CDC123: variants seen among roughly 807,000 people sequenced by gnomAD.
The protein encoded by CDC123 is cell division cycle 123, also known as translation initiation factor eIF2 assembly protein.
Under a neutral mutation model 54.4 loss-of-function variants are expected in CDC123, and 37 were observed. The ratio of observed to expected loss-of-function variants is 0.68; its 90% CI spans 0.52 to 0.89. CDC123 has a LOEUF of 0.89. Among genes scored for constraint, CDC123 ranks in the 40% least tolerant of loss-of-function variants. The pLI, the probability that CDC123 is intolerant of heterozygous loss-of-function variation, is 0.00. For synonymous variants in CDC123, 144 were observed against 136.8 expected (o/e 1.05, Z -0.37); for missense variants, 361 against 412.1 (o/e 0.88, Z 1.07).
rs772675022 is a variant in CDC123 at position 12,250,384 on chromosome 10, G to T, written c.*47G>T. 6.7e-7 allele frequency: 1 copy of T among 1,488,800 alleles called. No individual in the cohort carries two copies. Among genetic ancestry groups the T allele is most frequent in the South Asian group, 1.1e-5 (1 of 88,350 alleles). 92.2% of individuals were successfully genotyped at this position (1,488,800 alleles called of 1,614,324 possible). On this transcript the variant is annotated 3_prime_UTR_variant, in exon 13 of 13. Coordinates refer to ENST00000281141, the MANE Select transcript of CDC123 (RefSeq NM_006023.3). ...AGAGGAGGCCCCGCCCCACCGCTCCGGGAGCTGCTCATCAGCCGCAACTTC... is the reference window on the plus strand; with the variant it reads ...AGAGGAGGCCCCGCCCCACCGCTCCTGGAGCTGCTCATCAGCCGCAACTTC...
intron 4 of CDC123, among the ~76,000 whole-genome samples, chr10:12,211,323 G>A (rs1835597611): frequency 6.6e-6 from 1 of 151,724 alleles, no homozygotes; most frequent in Non-Finnish European, 1.5e-5. Flanking sequence ...TTTGTGGGAG[G>A]GTCTGTTCTA....
At chr10:12,238,932 G>A (rs1836016191) in intron 10 of CDC123, among the ~76,000 whole-genome samples, 1 of 152,074 alleles carries the variant, frequency 6.6e-6, no homozygotes, top group Non-Finnish European at 1.5e-5. Context: ...AGAGATTGCA[G>A]TGAGCGGAGA....
At chr10:12,197,080 G>A (rs1454916150) in intron 1 of CDC123, among the ~76,000 whole-genome samples, 1 of 152,176 alleles carries the variant, frequency 6.6e-6, no homozygotes, top group African/African-American at 2.4e-5. Context: ...GCTTAGAATG[G>A]TTAAAATGTA....
intron 6 of CDC123, among the ~76,000 whole-genome samples, chr10:12,225,746 C>CTTTTTTTTTTTT (rs60404885): frequency 6.0e-5 from 4 of 66,956 alleles, no homozygotes; most frequent in South Asian, 8.9e-4. Context: ...TAGCTTCTCT[C>CTTTTTTTTTTTT]TTTTTTTTTT....
At chr10:12,220,567 G>A (rs946578507) in intron 6 of CDC123, among the ~76,000 whole-genome samples, 5 of 152,256 alleles carry the variant, frequency 3.3e-5, no homozygotes, top group African/African-American at 1.2e-4. Context: ...GTAACTGTTG[G>A]TAGTTGCTTA....
At chr10:12,221,326 G>A (rs986613652) in intron 6 of CDC123, among the ~76,000 whole-genome samples, 5 of 152,070 alleles carry the variant, frequency 3.3e-5, no homozygotes, top group African/African-American at 1.2e-4. Flanking sequence ...TGACTTAGTG[G>A]CTCGGTCTTT....
At chr10:12,243,384 G>A (rs746326243) in intron 10 of CDC123, among the ~76,000 whole-genome samples, 15 of 113,944 alleles carry the variant, frequency 1.3e-4, no homozygotes, top group Non-Finnish European at 2.3e-4. Context: ...GGCAACAAGA[G>A]TGAAAAAAAA....
rs191997231 is a variant in CDC123, at chr10:12,228,227, C to T, written c.441-2721C>T. ...TGGGATTACAGGTGTGAGCCCTGTG[C>T]CCAGTCCTTAATTTTTATTGACGTA... On this transcript the variant is annotated intron_variant, in intron 6 of 12. Coordinates refer to ENST00000281141, the MANE Select transcript of CDC123 (RefSeq NM_006023.3). 2.8e-3 allele frequency among the ~76,000 whole-genome samples: 432 copies of T among 152,104 alleles called. 1 individual carries two copies. The highest frequency in any genetic ancestry group is 4.6e-3 in the Non-Finnish European group (310 of 67,990).
intron 4 of CDC123, among the ~76,000 whole-genome samples, chr10:12,214,395 G>C (rs564150750): frequency 2.6e-5 from 4 of 152,336 alleles, no homozygotes; most frequent in African/African-American, 9.6e-5. Flanking sequence ...AATTGCTTTG[G>C]ATGGGGAGAG....
At chr10:12,221,972 C>T (rs933215582) in intron 6 of CDC123, among the ~76,000 whole-genome samples, 1 of 152,148 alleles carries the variant, frequency 6.6e-6, no homozygotes, top group Non-Finnish European at 1.5e-5. Context: ...AGATGAAACA[C>T]AGGTTCCTGG....
intron 8 of CDC123, among the ~76,000 whole-genome samples, chr10:12,235,820 T>C (rs1052860672): frequency 2.6e-5 from 4 of 152,214 alleles, no homozygotes; most frequent in African/African-American, 7.2e-5. Flanking sequence ...TTGCTCGATA[T>C]TCTTGAAGAA....
At chr10:12,233,430 A>G (rs1237224687) in intron 7 of CDC123, among the ~76,000 whole-genome samples, 1 of 152,168 alleles carries the variant, frequency 6.6e-6, no homozygotes, top group East Asian at 1.9e-4. Context: ...AGAGTTCGGG[A>G]GAGACACTCC....
At chr10:12,237,583 G>A (rs529185294) in intron 9 of CDC123, 42 of 158,852 alleles carry the variant, frequency 2.6e-4, no homozygotes, top group Middle Eastern at 3.2e-3. Flanking sequence ...ACAGGTGCAC[G>A]TCACCACACC....
chr10:12,242,528 G>T (rs779880063), intron 10 of CDC123, among the ~76,000 whole-genome samples: 2 of 152,178 alleles, frequency 1.3e-5, no homozygotes, highest in African/African-American at 4.8e-5. Context: ...CCTAGAGCTT[G>T]ATCGGGGCAG....
chr10:12,250,102 T>G (rs1299639640), intron 12 of CDC123: 1 of 492,614 alleles, frequency 2.0e-6, no homozygotes, highest in African/African-American at 2.0e-5. Flanking sequence ...TTTTTGTATG[T>G]ATGGAAGAAA....
chr10:12,220,021 A>G (rs965132516), intron 6 of CDC123, among the ~76,000 whole-genome samples: 6 of 151,952 alleles, frequency 3.9e-5, no homozygotes, highest in Admixed American at 3.9e-4. Flanking sequence ...TTAGTAGAGA[A>G]GCGGATTCAC....
At chr10:12,228,110 T>C (rs1221278602) in intron 6 of CDC123, among the ~76,000 whole-genome samples, 1 of 151,086 alleles carries the variant, frequency 6.6e-6, no homozygotes, top group African/African-American at 2.4e-5. Context: ...AATTTTTATA[T>C]TTTTTTTAGA....
chr10:12,248,636 T>A (rs1836192499), intron 11 of CDC123, among the ~76,000 whole-genome samples: 1 of 147,384 alleles, frequency 6.8e-6, no homozygotes, highest in Non-Finnish European at 1.5e-5. Flanking sequence ...AGAAACCCCG[T>A]CTCTACTAAA....
rs568644112 is a variant in CDC123, at chr10:12,198,871, C to A, written c.146+95C>A. 26 of 714,578 alleles carry A rather than the reference C, an allele frequency of 3.6e-5. 1 individual carries two copies. In the East Asian group the frequency reaches 6.2e-4, roughly 17 times the overall value. The allele number at this position is 714,578 out of a possible 1,614,324, so 44.3% of individuals were successfully genotyped here. A position where few individuals can be genotyped will look rare whatever the true frequency, so the allele number is the denominator to read the frequency against. On this transcript the variant is annotated intron_variant, in intron 2 of 12. Transcript: ENST00000281141. ...TAGGCACCATTCTTTCCCTTTAGCT[C>A]TTTTTCTCTCCTAGCCAAAATGATG...
Sources: allele counts gnomAD v4.1 joint callset (sites outside exome capture counted in the v4.1 genomes callset), GRCh38; gene constraint gnomAD v4.1.1; transcripts MANE v1.5; gene names NCBI Gene and HGNC (gene_info 2026-07-23, HGNC 2026-07-21).